SLC44A3: variants seen among roughly 807,000 people sequenced by gnomAD.
SLC44A3 encodes choline transporter-like protein 3.
A neutral mutation model predicts 75.4 loss-of-function variants in SLC44A3; 74 were observed. That is an observed-to-expected ratio of 0.98 (90% CI 0.81 to 1.19). SLC44A3 has a LOEUF of 1.19. Ranked by LOEUF, SLC44A3 falls within the 50% of genes most tolerant of loss-of-function variation. The pLI is 0.00. For missense variants in SLC44A3, 700 were observed against 778.6 expected, an observed-to-expected ratio of 0.90 and a Z score of 1.20; for synonymous variants, 310 against 296.9, an observed-to-expected ratio of 1.04 and a Z score of -0.45.
In SLC44A3 at chr1:94,878,256, CA is replaced by C. The variant is rs1453340116; in HGVS notation, c.1482+10842del. On this transcript the variant is annotated intron_variant, in intron 12 of 14. Coordinates refer to ENST00000271227, the MANE Select transcript of SLC44A3 (RefSeq NM_001114106.3). Reference sequence around the variant, plus strand: ...TCACAAAAAAACCAAAACAAACAAACAAACAAAAAAAAAACAGAGAAACTTG... The same window carrying C: ...TCACAAAAAAACCAAAACAAACAAACAACAAAAAAAAAACAGAGAAACTTG... Among the ~76,000 whole-genome samples, 8 of 138,750 alleles carry C rather than the reference CA, an allele frequency of 5.8e-5. No homozygotes were observed. In the South Asian group the frequency reaches 1.1e-3, roughly 19 times the overall value. 91.0% of individuals were successfully genotyped at this position (138,750 alleles called of 152,430 possible). A position where few individuals can be genotyped will look rare whatever the true frequency, so the allele number is the denominator to read the frequency against.
intron 9 of SLC44A3, among the ~76,000 whole-genome samples, chr1:94,853,629 T>G (rs1474836135): frequency 6.6e-6 from 1 of 152,152 alleles, no homozygotes; most frequent in Non-Finnish European, 1.5e-5. Context: ...TGGACCCGTG[T>G]TGATAGCAGG....
intron 12 of SLC44A3, among the ~76,000 whole-genome samples, chr1:94,873,815 A>G (rs1156903362): frequency 1.3e-5 from 2 of 152,238 alleles, no homozygotes; most frequent in African/African-American, 4.8e-5. Flanking sequence ...GAAAAAAAGT[A>G]AAAATATTGT....
intron 14 of SLC44A3, 105 bp downstream of exon 14, chr1:94,892,622 A>G (rs1670343254): frequency 8.7e-7 from 1 of 1,154,736 alleles, no homozygotes; most frequent in Admixed American, 2.0e-5. Context: ...TCTCTCTTCT[A>G]GAGGGCTCTG....
Position 94,874,989 on chromosome 1 carries a change from G to T in SLC44A3, c.1482+7572G>T, listed in dbSNP as rs548114530. Among the ~76,000 whole-genome samples the T allele has an allele frequency of 3.9e-5, 6 of 152,260 alleles. No individual in the cohort carries two copies. In the East Asian group the frequency reaches 1.2e-3, roughly 29 times the overall value. ...TCATCTGATTGGAAAACTACCACAG[G>T]AACAGCTGTAGGCAAGTCGGCTTGT... On this transcript the variant is annotated intron_variant, in intron 12 of 14. Coordinates refer to ENST00000271227, the MANE Select transcript of SLC44A3 (RefSeq NM_001114106.3).
At chr1:94,865,014 G>A (rs1201526271) in intron 11 of SLC44A3, 115 bp downstream of exon 11, 33 of 1,120,762 alleles carry the variant, frequency 2.9e-5, no homozygotes, top group Non-Finnish European at 4.1e-5. Context: ...AGCGGGCCGT[G>A]CAGAAAGCTC....
At chr1:94,823,261 A>G (rs897517214) in intron 2 of SLC44A3, among the ~76,000 whole-genome samples, 2 of 152,248 alleles carry the variant, frequency 1.3e-5, no homozygotes, top group African/African-American at 4.8e-5. Flanking sequence ...AGGACGAGAC[A>G]AGCATGTCAA....
At chr1:94,824,956 A>G (rs749337497) in intron 3 of SLC44A3, among the ~76,000 whole-genome samples, 4 of 152,244 alleles carry the variant, frequency 2.6e-5, no homozygotes, top group Non-Finnish European at 4.4e-5. Context: ...ACACTGCATG[A>G]GCTAAAGTAT....
intron 12 of SLC44A3, among the ~76,000 whole-genome samples, chr1:94,869,668 G>A (rs1176013095): frequency 1.3e-5 from 2 of 150,612 alleles, no homozygotes; most frequent in African/African-American, 4.8e-5. Context: ...AAATAAAAAT[G>A]TTTAAGAATA....
intron 12 of SLC44A3, among the ~76,000 whole-genome samples, chr1:94,878,941 C>G (rs1668622345): frequency 1.3e-5 from 2 of 152,048 alleles, no homozygotes; most frequent in South Asian, 4.2e-4. Flanking sequence ...GAACTAAAGA[C>G]CTAAAAGACC....
chr1:94,895,008 T>G lies in SLC44A3; in HGVS notation c.*86T>G. Reference sequence around the variant, plus strand: ...GAAGATGAGACCACTAGAGAAAAGTTAGTGAATTTTTTTTTAAAAGACCTA... The same window carrying G: ...GAAGATGAGACCACTAGAGAAAAGTGAGTGAATTTTTTTTTAAAAGACCTA... On this transcript the variant is annotated 3_prime_UTR_variant, in exon 15 of 15. Coordinates refer to ENST00000271227, the MANE Select transcript of SLC44A3 (RefSeq NM_001114106.3). 9.4e-7 allele frequency: 1 copy of G among 1,067,802 alleles called. No individual in the cohort carries two copies. The highest frequency in any genetic ancestry group is 1.3e-6 in the Non-Finnish European group (1 of 742,470). The allele number at this position is 1,067,802 out of a possible 1,614,324, so 66.1% of individuals were successfully genotyped here. A position where few individuals can be genotyped will look rare whatever the true frequency, so the allele number is the denominator to read the frequency against.
intron 7 of SLC44A3, among the ~76,000 whole-genome samples, chr1:94,841,590 C>A (rs145980089): frequency 1.3e-5 from 2 of 152,200 alleles, no homozygotes; most frequent in Non-Finnish European, 2.9e-5. Flanking sequence ...TGTGGGTGAG[C>A]AGCCAATATC....
chr1:94,848,027 G>T (rs1292758218), intron 9 of SLC44A3, among the ~76,000 whole-genome samples: 1 of 152,178 alleles, frequency 6.6e-6, no homozygotes, highest in Non-Finnish European at 1.5e-5. Context: ...ATGAGATCGA[G>T]ACCATCCTGG....
chr1:94,891,445 A>G (rs972646802), intron 13 of SLC44A3, among the ~76,000 whole-genome samples, 178 bp downstream of exon 13: 2 of 152,254 alleles, frequency 1.3e-5, no homozygotes, highest in Non-Finnish European at 1.5e-5. Context: ...GAGAAAATGA[A>G]GGTTTAATAA....
At chr1:94,830,131 T>G (rs1378459625) in intron 5 of SLC44A3, among the ~76,000 whole-genome samples, 1 of 152,232 alleles carries the variant, frequency 6.6e-6, no homozygotes, top group Non-Finnish European at 1.5e-5. Context: ...TGATATTCTT[T>G]TCTAAAATAA....
At chr1:94,885,224 C>CAAAAAAAAAAAAAAAAA (rs60440950) in intron 12 of SLC44A3, among the ~76,000 whole-genome samples, 5 of 82,848 alleles carry the variant, frequency 6.0e-5, no homozygotes, top group African/African-American at 2.4e-4. Context: ...GACTCCCTCT[C>CAAAAAAAAAAAAAAAAA]AAAAAAAAAA....
At chr1:94,878,024 G>C (rs1021071123) in intron 12 of SLC44A3, among the ~76,000 whole-genome samples, 1 of 152,150 alleles carries the variant, frequency 6.6e-6, no homozygotes, top group Non-Finnish European at 1.5e-5. Flanking sequence ...CACGAGGTCA[G>C]GAGATCGAGA....
chr1:94,873,786 G>A (rs937013928), intron 12 of SLC44A3, among the ~76,000 whole-genome samples: 1 of 152,124 alleles, frequency 6.6e-6, no homozygotes, highest in African/African-American at 2.4e-5. Flanking sequence ...TGCTCTCCCA[G>A]AGCAGCATGT....
At chr1:94,894,691 A>G in intron 14 of SLC44A3, 127 bp from the exon 15 acceptor site, 3 of 696,364 alleles carry the variant, frequency 4.3e-6, no homozygotes, top group Non-Finnish European at 4.9e-6. Flanking sequence ...TCTCCTGTTA[A>G]TCTGCCTTTT....
At chr1:94,839,627 G>T (rs1034606691) in intron 6 of SLC44A3, among the ~76,000 whole-genome samples, 8 of 152,130 alleles carry the variant, frequency 5.3e-5, no homozygotes, top group African/African-American at 1.9e-4. Context: ...GACCTCAGGT[G>T]ATCCACCCGC....
Sources: gnomAD v4.1 joint callset for allele counts (sites outside exome capture counted in the v4.1 genomes callset) on GRCh38, gnomAD v4.1.1 for gene constraint, MANE v1.5 for transcripts, NCBI Gene and HGNC (gene_info 2026-07-23, HGNC 2026-07-21) for gene names.